FAM135B: variants seen among roughly 807,000 people sequenced by gnomAD.
FAM135B encodes family with sequence similarity 135 member B.
Under a neutral mutation model 127.7 loss-of-function variants are expected in FAM135B, and 43 were observed. The observed-to-expected ratio is 0.34, with a 90% CI of 0.26 to 0.43. The LOEUF (loss-of-function observed/expected upper bound fraction) is 0.43. Among genes scored for constraint, FAM135B ranks in the 20% least tolerant of loss-of-function variants. The pLI, the probability that FAM135B is intolerant of heterozygous loss-of-function variation, is 1.00. For synonymous variants in FAM135B, 670 were observed against 665.1 expected (o/e 1.01, Z -0.11); for missense variants, 1,558 against 1,725.6 (o/e 0.90, Z 1.72).
At position 138,218,766 on chromosome 8, in the gene FAM135B, C is replaced by CACACAG. The variant is rs1469155017; in HGVS notation, c.670-21098_670-21097insCTGTGT. On this transcript the variant is annotated intron_variant, in intron 7 of 19. Transcript: ENST00000395297. The stretch of plus-strand genomic sequence containing the variant: ...CCAAACTTACACGCACACACACACA[C>CACACAG]AGAGAGAGAGAGAGAGAGAGAGAGA... 3.3e-3 allele frequency among the ~76,000 whole-genome samples: 266 copies of CACACAG among 80,508 alleles called. 1 individual carries two copies. Among genetic ancestry groups the CACACAG allele is most frequent in the Middle Eastern group, 0.013 (2 of 152 alleles). 52.8% of individuals were successfully genotyped at this position (80,508 alleles called of 152,430 possible).
intron 7 of FAM135B, among the ~76,000 whole-genome samples, chr8:138,207,534 G>A (rs188266077): frequency 6.6e-6 from 1 of 152,204 alleles, no homozygotes; most frequent in East Asian, 1.9e-4. Context: ...AAGAAGATGA[G>A]GGTCTCTGTG....
chr8:138,199,736 G>A (rs887989889), intron 7 of FAM135B, among the ~76,000 whole-genome samples: 1 of 152,152 alleles, frequency 6.6e-6, no homozygotes, highest in African/African-American at 2.4e-5. Flanking sequence ...CATGGCATGA[G>A]GAGAGAGAAA....
chr8:138,254,438 A>G (rs1185375687), intron 5 of FAM135B, among the ~76,000 whole-genome samples: 3 of 152,170 alleles, frequency 2.0e-5, no homozygotes, highest in Non-Finnish European at 2.9e-5. Flanking sequence ...CCATAAAGCT[A>G]TGAATGAATG....
chr8:138,336,942 G>A (rs1187147081), intron 2 of FAM135B, among the ~76,000 whole-genome samples: 1 of 147,164 alleles, frequency 6.8e-6, no homozygotes, highest in Non-Finnish European at 1.5e-5. Flanking sequence ...GGGATGCAAG[G>A]CTGGTTCAAC....
At chr8:138,226,917 A>C (rs1819502619) in intron 7 of FAM135B, among the ~76,000 whole-genome samples, 1 of 152,104 alleles carries the variant, frequency 6.6e-6, no homozygotes, top group Non-Finnish European at 1.5e-5. Flanking sequence ...GGCTGGTCTC[A>C]AACTCCTGAC....
At chr8:138,183,040 C>T (rs1461487329) in intron 9 of FAM135B, among the ~76,000 whole-genome samples, 4 of 151,808 alleles carry the variant, frequency 2.6e-5, no homozygotes, top group Admixed American at 2.6e-4. Flanking sequence ...GGCACACACA[C>T]ACCTGCGATG....
intron 1 of FAM135B, among the ~76,000 whole-genome samples, chr8:138,383,449 G>T (rs1365505843): frequency 6.6e-6 from 1 of 152,180 alleles, no homozygotes; most frequent in Non-Finnish European, 1.5e-5. Flanking sequence ...TGATGTAGAG[G>T]TTGGTGGGAT....
intron 14 of FAM135B, among the ~76,000 whole-genome samples, 187 bp from the exon 15 acceptor site, chr8:138,146,237 C>T (rs1817642526): frequency 6.6e-6 from 1 of 152,120 alleles, no homozygotes; most frequent in African/African-American, 2.4e-5. Flanking sequence ...CCTTGGCCCC[C>T]CACACTCAGA....
At chr8:138,401,588 T>C (rs1011026577) in intron 1 of FAM135B, among the ~76,000 whole-genome samples, 3 of 152,206 alleles carry the variant, frequency 2.0e-5, no homozygotes, top group Non-Finnish European at 4.4e-5. Context: ...CAATCTCATA[T>C]CTATTTTCTC....
intron 1 of FAM135B, among the ~76,000 whole-genome samples, chr8:138,372,668 G>T (rs1831211589): frequency 6.6e-6 from 1 of 152,142 alleles, no homozygotes; most frequent in African/African-American, 2.4e-5. Flanking sequence ...TCAGAATAGA[G>T]ACTGGCATGT....
At chr8:138,371,940 T>G (rs1316933250) in intron 1 of FAM135B, among the ~76,000 whole-genome samples, 1 of 152,206 alleles carries the variant, frequency 6.6e-6, no homozygotes, top group Non-Finnish European at 1.5e-5. Context: ...CTAAAGCACA[T>G]GATGCTTACG....
intron 12 of FAM135B, among the ~76,000 whole-genome samples, chr8:138,163,085 C>A (rs1819549216): frequency 6.6e-6 from 1 of 152,276 alleles, no homozygotes; most frequent in South Asian, 2.1e-4. Context: ...GAGTCAAATA[C>A]TAATGAATAG....
chr8:138,421,103 A>T (rs1834479327), intron 1 of FAM135B, among the ~76,000 whole-genome samples: 3 of 152,310 alleles, frequency 2.0e-5, no homozygotes, highest in African/African-American at 7.2e-5. Flanking sequence ...TGAGGTCAGG[A>T]GATTGAGACC....
At chr8:138,423,527 T>G (rs995993220) in intron 1 of FAM135B, among the ~76,000 whole-genome samples, 2 of 152,052 alleles carry the variant, frequency 1.3e-5, no homozygotes, top group Non-Finnish European at 2.9e-5. Flanking sequence ...TTTTTATTAG[T>G]GATTTTCAAA....
At chr8:138,305,957 ATATGT>A (rs1296528326) in intron 3 of FAM135B, among the ~76,000 whole-genome samples, 1 of 152,192 alleles carries the variant, frequency 6.6e-6, no homozygotes, top group Non-Finnish European at 1.5e-5. Flanking sequence ...TTGTGTGTGT[ATATGT>A]TATGTCTTAT....
At chr8:138,376,789 C>T (rs866302582) in intron 1 of FAM135B, among the ~76,000 whole-genome samples, 3 of 152,274 alleles carry the variant, frequency 2.0e-5, no homozygotes, top group South Asian at 4.2e-4. Context: ...AGTCACTCAT[C>T]ATCAGTAGCA....
intron 1 of FAM135B, chr8:138,440,629 C>T (rs1259866638): frequency 6.6e-6 from 1 of 151,778 alleles, no homozygotes; most frequent in Admixed American, 6.6e-5. Flanking sequence ...GACCACAAAC[C>T]TAGGTTACTG....
intron 1 of FAM135B, among the ~76,000 whole-genome samples, chr8:138,376,692 C>T (rs372347133): frequency 4.3e-4 from 65 of 152,216 alleles, no homozygotes; most frequent in African/African-American, 1.2e-3. Flanking sequence ...CAAAGTACCA[C>T]GGAGAACATC....
chr8:138,468,020 T>C (rs1837467223), intron 1 of FAM135B, among the ~76,000 whole-genome samples: 1 of 152,216 alleles, frequency 6.6e-6, no homozygotes, highest in Admixed American at 6.5e-5. Flanking sequence ...ATGCATATTT[T>C]ATGCAAAATA....
Sources: gnomAD v4.1 joint callset for allele counts (sites outside exome capture counted in the v4.1 genomes callset) on GRCh38, gnomAD v4.1.1 for gene constraint, MANE v1.5 for transcripts, NCBI Gene and HGNC (gene_info 2026-07-23, HGNC 2026-07-21) for gene names.